ABLIM3: variants seen among roughly 807,000 people sequenced by gnomAD.
ABLIM3 encodes actin binding LIM protein family member 3.
A neutral mutation model predicts 109.5 loss-of-function variants in ABLIM3; 61 were observed. That is an observed-to-expected ratio of 0.56 (90% confidence interval 0.45 to 0.69). ABLIM3 has a LOEUF of 0.69. Among genes scored for constraint, ABLIM3 ranks in the 30% least tolerant of loss-of-function variants. The pLI is 0.00. For missense variants in ABLIM3, 796 were observed against 889.5 expected (o/e 0.89, Z 1.34); for synonymous variants, 300 against 324.8 (o/e 0.92, Z 0.82).
chr5:149,225,982 G>GTATATATATA (rs58844908), intron 8 of ABLIM3, among the ~76,000 whole-genome samples: 32 of 45,496 alleles, frequency 7.0e-4, no homozygotes, highest in Admixed American at 1.3e-3. Flanking sequence ...GTGTGTGTGT[G>GTATATATATA]TATATATATA....
chr5:149,222,091 CAAT>C (rs1270211443), intron 8 of ABLIM3, among the ~76,000 whole-genome samples: 1 of 150,562 alleles, frequency 6.6e-6, no homozygotes, highest in Non-Finnish European at 1.5e-5. Context: ...TAGGTCTCAC[CAAT>C]AATAATGATA....
At chr5:149,183,737 A>C in intron 3 of ABLIM3, 148 bp downstream of exon 3, 1 of 975,608 alleles carries the variant, frequency 1.0e-6, no homozygotes, top group Non-Finnish European at 1.4e-6. Flanking sequence ...TCTTCTTATG[A>C]GATTCTCCCT....
intron 5 of ABLIM3, 48 bp from the exon 6 acceptor site, chr5:149,206,960 T>C (rs1261838069): frequency 1.3e-6 from 2 of 1,584,052 alleles, no homozygotes. Context: ...ATAGCGGGGG[T>C]TAAAGGGCCC....
In ABLIM3 at chr5:149,240,091, T is replaced by A. The variant is rs368679573; in HGVS notation, c.1204+203T>A. ...GGGGGGATGGAGGAGTGTGTGGCAC[T>A]GAGAAGCAGCAGGAAGGTGGGTGGT... is the stretch of plus-strand genomic sequence containing the variant. On this transcript the variant is annotated intron_variant, in intron 13 of 23. Transcript: ENST00000309868. Among the ~76,000 whole-genome samples, 141 of 152,302 alleles carry A rather than the reference T, an allele frequency of 9.3e-4. 5 individuals are homozygous for A. The South Asian group carries it at 0.024, about 26-fold the overall frequency.
intron 17 of ABLIM3, chr5:149,247,488 T>C: frequency 1.9e-6 from 1 of 536,008 alleles, no homozygotes. Context: ...AAGGTGGCTA[T>C]CTGCCCATTG....
chr5:149,162,617 CA>C (rs2127448940), intron 2 of ABLIM3, among the ~76,000 whole-genome samples: 1 of 152,302 alleles, frequency 6.6e-6, no homozygotes, highest in East Asian at 1.9e-4. Flanking sequence ...GACAGACCCA[CA>C]ATTTCACCTT....
At chr5:149,256,477 A>G (rs1754436682) in intron 23 of ABLIM3, among the ~76,000 whole-genome samples, 1 of 152,228 alleles carries the variant, frequency 6.6e-6, no homozygotes, top group African/African-American at 2.4e-5. Context: ...GGATCTAACA[A>G]GCAAATGTGA....
At chr5:149,210,221 C>T (rs1015529971) in intron 6 of ABLIM3, among the ~76,000 whole-genome samples, 4 of 152,178 alleles carry the variant, frequency 2.6e-5, no homozygotes, top group African/African-American at 7.2e-5. Flanking sequence ...TCCTTTAATC[C>T]TCATGACAAC....
chr5:149,247,007 C>T (rs977080483), intron 17 of ABLIM3, among the ~76,000 whole-genome samples: 12 of 152,290 alleles, frequency 7.9e-5, no homozygotes, highest in South Asian at 2.1e-4. Context: ...TACTCATATC[C>T]GTGGCAGCAC....
intron 2 of ABLIM3, among the ~76,000 whole-genome samples, chr5:149,178,067 C>T (rs979028555): frequency 6.6e-5 from 10 of 152,226 alleles, no homozygotes; most frequent in East Asian, 3.9e-4. Flanking sequence ...TTCAGTGCAA[C>T]GATCCCATGA....
rs144233458 is a variant in ABLIM3, at chr5:149,242,533, G to A, written c.1346G>A (p.Arg449Gln). ...NIYRKPPIYK[R>Q]HGDLSTATKS... ...TACCGGAAACCCCCGATCTACAAAC[G>A]GCATGGTATGGTCAGAGGTAGATAG... is the stretch of plus-strand genomic sequence containing the variant. The change falls in exon 15 of 24, where the codon CGG becomes CAG. Residue 449 changes from arginine to glutamine, a missense_variant. Transcript: ENST00000309868. 11 of 1,613,918 alleles carry A rather than the reference G, an allele frequency of 6.8e-6. No individual in the cohort carries two copies. Among genetic ancestry groups the A allele is most frequent in the Middle Eastern group, 3.3e-4 (2 of 6,084 alleles).
Position 149,225,972 on chromosome 5 carries a change from GTGTGTGTGTGTATATATATATA to G in ABLIM3, c.758-4675_758-4654del, listed in dbSNP as rs1379192727. 1.4e-3 allele frequency among the ~76,000 whole-genome samples: 102 copies of G among 73,934 alleles called. No individual in the cohort carries two copies. The South Asian group carries it at 0.026, about 19-fold the overall frequency. 48.5% of individuals were successfully genotyped at this position (73,934 alleles called of 152,430 possible). ...ATGTATATAATATGTGTGTGTGTGT[GTGTGTGTGTGTATATATATATA>G]TATATATATATATATATATATATAT... On this transcript the variant is annotated intron_variant, in intron 8 of 23. Coordinates refer to ENST00000309868, the MANE Select transcript of ABLIM3 (RefSeq NM_014945.5).
intron 2 of ABLIM3, among the ~76,000 whole-genome samples, chr5:149,162,884 C>T (rs749645537): frequency 1.2e-4 from 18 of 152,208 alleles, no homozygotes; most frequent in South Asian, 2.1e-4. Flanking sequence ...TTTTCTAGGA[C>T]GCGTAACCCA....
In ABLIM3 at chr5:149,155,635, A is replaced by T. The variant is rs560384514; in HGVS notation, c.13+13527A>T. On this transcript the variant is annotated intron_variant, in intron 2 of 23. Transcript: ENST00000309868. ...AAGAAAGAGCAGTCTAGATGGGCTTACTCATTCCTAGGCAGGCATTCCACA... is the reference window on the plus strand; with the variant it reads ...AAGAAAGAGCAGTCTAGATGGGCTTTCTCATTCCTAGGCAGGCATTCCACA... Among the ~76,000 whole-genome samples, 17 of 152,262 alleles carry T rather than the reference A, an allele frequency of 1.1e-4. No individual in the cohort carries two copies. In the South Asian group the frequency reaches 3.1e-3, roughly 28 times the overall value.
intron 3 of ABLIM3, among the ~76,000 whole-genome samples, chr5:149,192,494 G>C (rs947315856): frequency 4.4e-5 from 6 of 137,564 alleles, no homozygotes; most frequent in African/African-American, 1.8e-4. Flanking sequence ...CTCCACCTAC[G>C]GGGCGCCTGT....
At chr5:149,178,234 G>T in intron 2 of ABLIM3, among the ~76,000 whole-genome samples, 1 of 152,162 alleles carries the variant, frequency 6.6e-6, no homozygotes, top group East Asian at 1.9e-4. Context: ...AAAATGCCTG[G>T]ACCCACAGTT....
At chr5:149,141,740 T>G in intron 1 of ABLIM3, 86 bp downstream of exon 1, 3 of 283,024 alleles carry the variant, frequency 1.1e-5, no homozygotes, top group East Asian at 1.6e-4. Context: ...CACACCCCCT[T>G]TGGGCTCCGG....
chr5:149,171,602 A>G (rs9325134), intron 2 of ABLIM3, among the ~76,000 whole-genome samples: 64,384 of 152,052 alleles, frequency 0.42, 14,283 homozygotes, highest in East Asian at 0.68. Flanking sequence ...ATGCCTGGTA[A>G]AACATGGAAA....
chr5:149,244,747 G>A (rs972534018), intron 15 of ABLIM3, 134 bp from the exon 16 acceptor site: 1 of 1,165,158 alleles, frequency 8.6e-7, no homozygotes, highest in African/African-American at 1.5e-5. Context: ...CCATGGCCCA[G>A]TTCTAACAGA....
Sources: gnomAD v4.1 joint callset for allele counts (sites outside exome capture counted in the v4.1 genomes callset) on GRCh38, gnomAD v4.1.1 for gene constraint, MANE v1.5 for transcripts, NCBI Gene and HGNC (gene_info 2026-07-23, HGNC 2026-07-21) for gene names.